The following LAMA1 variants were observed in gnomAD, a reference collection of about 807,000 sequenced individuals.
LAMA1 encodes the protein laminin subunit alpha-1.
Under a neutral mutation model 348.7 loss-of-function variants are expected in LAMA1, and 219 were observed. That is an observed-to-expected ratio of 0.63 (90% CI 0.56 to 0.70). The LOEUF (loss-of-function observed/expected upper bound fraction) is 0.70. LAMA1 is among the 30% of genes least tolerant of loss of function. The pLI, the probability that LAMA1 is intolerant of heterozygous loss-of-function variation, is 0.00. For missense variants in LAMA1, 3,744 were observed against 3,888.0 expected (o/e 0.96, Z 0.99); for synonymous variants, 1,487 against 1,491.0 (o/e 1.00, Z 0.06).
intron 28 of LAMA1, 132 bp from the exon 29 acceptor site, chr18:7,007,408 G>T (rs2057837368): frequency 2.5e-6 from 2 of 802,266 alleles, no homozygotes; most frequent in East Asian, 2.8e-5. Context: ...ATCTCTATCA[G>T]AGAAATGCAA....
chr18:6,947,984 C>T (rs907743513), intron 60 of LAMA1, among the ~76,000 whole-genome samples: 2 of 152,176 alleles, frequency 1.3e-5, no homozygotes, highest in African/African-American at 4.8e-5. Context: ...ACAGAGTGAA[C>T]GAGAGATGTT....
At chr18:7,103,765 G>A (rs571132607) in intron 1 of LAMA1, among the ~76,000 whole-genome samples, 2 of 151,340 alleles carry the variant, frequency 1.3e-5, no homozygotes, top group South Asian at 4.2e-4. Flanking sequence ...GTTGCATTGA[G>A]CCGAGATTGT....
chr18:6,968,091 G>A (rs2057641825), intron 48 of LAMA1, among the ~76,000 whole-genome samples: 1 of 152,188 alleles, frequency 6.6e-6, no homozygotes, highest in African/African-American at 2.4e-5. Context: ...TGTTCCCCAA[G>A]TGGGTCTCTG....
At chr18:6,969,341 T>C (rs899269197) in intron 48 of LAMA1, among the ~76,000 whole-genome samples, 1 of 152,160 alleles carries the variant, frequency 6.6e-6, no homozygotes, top group African/African-American at 2.4e-5. Flanking sequence ...CAGAGGTACC[T>C]TTTCAGAAAG....
chr18:7,045,536 A>C (rs1056405442), intron 6 of LAMA1, among the ~76,000 whole-genome samples: 1 of 152,166 alleles, frequency 6.6e-6, no homozygotes, highest in African/African-American at 2.4e-5. Context: ...GTAATGCTAA[A>C]AGAGATAAAC....
intron 30 of LAMA1, among the ~76,000 whole-genome samples, chr18:7,001,580 A>T (rs2057807952): frequency 6.6e-6 from 1 of 152,184 alleles, no homozygotes; most frequent in South Asian, 2.1e-4. Context: ...CAGAAGATTC[A>T]GACAAATATT....
At chr18:6,987,449 T>C (rs1032098953) in intron 36 of LAMA1, among the ~76,000 whole-genome samples, 8 of 152,240 alleles carry the variant, frequency 5.3e-5, no homozygotes, top group Non-Finnish European at 1.2e-4. Context: ...AGATATGATT[T>C]GTACCATGGA....
At chr18:6,969,835 C>A (rs2057650217) in intron 48 of LAMA1, among the ~76,000 whole-genome samples, 1 of 152,138 alleles carries the variant, frequency 6.6e-6, no homozygotes, top group Admixed American at 6.5e-5. Flanking sequence ...AAGCTGACTT[C>A]CTCATCCCAA....
Position 7,023,028 on chromosome 18 carries a change from A to G in LAMA1, c.2701+136T>C, listed in dbSNP as rs993785464. 13 of 903,904 alleles carry G rather than the reference A, an allele frequency of 1.4e-5. No individual in the cohort carries two copies. The Admixed American group carries it at 2.9e-4, about 20-fold the overall frequency. The allele number at this position is 903,904 out of a possible 1,614,324, so 56.0% of individuals were successfully genotyped here. A position where few individuals can be genotyped will look rare whatever the true frequency, so the allele number is the denominator to read the frequency against. ...GTCGTGGGTCTGTATTTGATCAGAG[A>G]CCCAGCATTAATGCAAGTAACCCCT... On this transcript the variant is annotated intron_variant, in intron 19 of 62. Transcript: ENST00000389658.
In LAMA1 at chr18:6,948,546, C is replaced by G; in HGVS notation, c.8567G>C (p.Ser2856Thr). The change falls in exon 60 of 63, where the codon AGC becomes ACC. Residue 2856 changes from serine to threonine, a missense_variant. This residue lies in a region of LAMA1 where 1,983 missense variants were observed against 1,934.3 expected (regional missense o/e 1.03). Coordinates refer to ENST00000389658, the MANE Select transcript of LAMA1 (RefSeq NM_005559.4). ...CACATCCCCAATGCAGGCAGGGATG[C>G]TGTGGGTGATCTAAGCCAAATGACA... Reference protein sequence around the residue: ...QARKIGNITHSIPACIGDVTV... With the variant: ...QARKIGNITHTIPACIGDVTV... 6.2e-7 allele frequency: 1 copy of G among 1,614,186 alleles called. No individual in the cohort carries two copies. The highest frequency in any genetic ancestry group is 8.5e-7 in the Non-Finnish European group (1 of 1,180,046).
intron 3 of LAMA1, among the ~76,000 whole-genome samples, chr18:7,064,476 C>T (rs559142269): frequency 3.3e-5 from 5 of 152,250 alleles, no homozygotes; most frequent in Middle Eastern, 3.4e-3. Flanking sequence ...GACCTGATTT[C>T]GGTCACATTC....
At chr18:7,070,077 A>G (rs941293161) in intron 3 of LAMA1, among the ~76,000 whole-genome samples, 4 of 152,254 alleles carry the variant, frequency 2.6e-5, no homozygotes. Context: ...TGAGTCTAGT[A>G]GCTTCACAGA....
At chr18:6,985,863 A>T (rs8090703) in intron 37 of LAMA1, among the ~76,000 whole-genome samples, 21,708 of 152,194 alleles carry the variant, frequency 0.14, 1,569 homozygotes, top group South Asian at 0.16. Flanking sequence ...AGTTCAAGCG[A>T]TTCTGCTGCC....
chr18:6,961,543 T>C, intron 53 of LAMA1, 43 bp downstream of exon 53: 1 of 1,609,724 alleles, frequency 6.2e-7, no homozygotes, highest in South Asian at 1.1e-5. Context: ...TTTCCCGAAG[T>C]AATTTCCTGA....
At chr18:7,088,085 A>T (rs753899492) in intron 1 of LAMA1, among the ~76,000 whole-genome samples, 3 of 152,220 alleles carry the variant, frequency 2.0e-5, no homozygotes, top group Non-Finnish European at 4.4e-5. Flanking sequence ...TGAAAAGCAC[A>T]TACCTCGAAA....
chr18:7,062,522 C>G (rs139635505), intron 3 of LAMA1, among the ~76,000 whole-genome samples: 1 of 152,156 alleles, frequency 6.6e-6, no homozygotes, highest in South Asian at 2.1e-4. Context: ...GCTACAGGGT[C>G]ACCGGAGCTG....
chr18:7,002,094 G>A, intron 30 of LAMA1, among the ~76,000 whole-genome samples, 170 bp downstream of exon 30: 1 of 152,210 alleles, frequency 6.6e-6, no homozygotes, highest in East Asian at 1.9e-4. Flanking sequence ...CTTTTGAAAA[G>A]ATTCTCTTCC....
At chr18:7,097,520 T>G (rs1385156454) in intron 1 of LAMA1, among the ~76,000 whole-genome samples, 2 of 44,622 alleles carry the variant, frequency 4.5e-5, no homozygotes, top group Admixed American at 6.4e-4. Context: ...TTTTTTTTTG[T>G]AGAAATTGGC....
chr18:6,975,371 G>A (rs1209587460), intron 45 of LAMA1, among the ~76,000 whole-genome samples: 4 of 152,200 alleles, frequency 2.6e-5, no homozygotes, highest in Non-Finnish European at 4.4e-5. Context: ...CCTTTGCCCA[G>A]TCTCCGAGGT....
Sources: gnomAD v4.1 joint callset for allele counts (sites outside exome capture counted in the v4.1 genomes callset) on GRCh38, gnomAD v4.1.1 for gene constraint, gnomAD v4.1.1 regional missense constraint, MANE v1.5 for transcripts, NCBI Gene and HGNC (gene_info 2026-07-23, HGNC 2026-07-21) for gene names.